The following ATP1A4 variants were observed in gnomAD, a reference collection of about 807,000 sequenced individuals.
ATP1A4 encodes ATPase Na+/K+ transporting subunit alpha 4.
A neutral mutation model predicts 114.3 loss-of-function variants in ATP1A4; 90 were observed. That is an observed-to-expected ratio of 0.79 (90% CI 0.66 to 0.94). The LOEUF is 0.94. Among genes scored for constraint, ATP1A4 ranks in the 40% least tolerant of loss-of-function variants. ATP1A4 has a pLI of 0.00. For synonymous variants in ATP1A4, 511 were observed against 494.1 expected, an observed-to-expected ratio of 1.03 and a Z score of -0.45; for missense variants, 1,222 against 1,313.6, an observed-to-expected ratio of 0.93 and a Z score of 1.08.
At position 160,159,501 on chromosome 1, in the gene ATP1A4, C is replaced by T; in HGVS notation, c.753C>T (p.Cys251=). 1 of 1,613,744 alleles carries T rather than the reference C, an allele frequency of 6.2e-7. No homozygotes were observed. Residue 251 remains cysteine (C), a synonymous_variant, in exon 6 of 22, where the codon TGC becomes TGT. Transcript: ENST00000368081. ...ACCCTCTGGAGACCCGAAACATCTG[C>T]TTCTTTTCCACCAACTGTGTGGAAG... ...HENPLETRNI[C]FFSTNCVEGT... is the part of the protein sequence containing the mutation.
At chr1:160,180,508 A>T (rs1488559099) in intron 18 of ATP1A4, among the ~76,000 whole-genome samples, 1 of 152,038 alleles carries the variant, frequency 6.6e-6, no homozygotes, top group African/African-American at 2.4e-5. Context: ...GGTTAGCATA[A>T]TTATTTTCCC....
chr1:160,155,164 C>G lies in ATP1A4; in HGVS notation c.327C>G (p.Ser109=). 6.2e-7 allele frequency: 1 copy of G among 1,613,818 alleles called. No homozygotes were observed. Among genetic ancestry groups the G allele is most frequent in the Non-Finnish European group, 8.5e-7 (1 of 1,179,916 alleles). Residue 109 remains serine, a synonymous_variant, in exon 3 of 22, where the codon TCC becomes TCG. Transcript: ENST00000368081. ...KFCKQLFGGF[S]LLLWTGAILC... ...GTAAGCAACTGTTCGGAGGCTTCTC[C>G]CTCCTACTATGGACTGGGGCCATTC...
intron 16 of ATP1A4, 34 bp from the exon 17 acceptor site, chr1:160,176,445 G>T (rs1260546218): frequency 2.5e-6 from 4 of 1,613,350 alleles, no homozygotes; most frequent in Non-Finnish European, 3.4e-6. Context: ...TCTGAACTTT[G>T]TGACCCCTGT....
At chr1:160,172,136 A>G (rs1399580083) in intron 12 of ATP1A4, among the ~76,000 whole-genome samples, 1 of 152,184 alleles carries the variant, frequency 6.6e-6, no homozygotes, top group Non-Finnish European at 1.5e-5. Flanking sequence ...CAGATCCCTC[A>G]GGGATTGTTT....
chr1:160,153,650 T>C (rs1652535526), intron 2 of ATP1A4, among the ~76,000 whole-genome samples: 1 of 152,236 alleles, frequency 6.6e-6, no homozygotes, highest in African/African-American at 2.4e-5. Flanking sequence ...CATATATGTT[T>C]TGACAAATAA....
At chr1:160,167,796 G>A (rs957959850) in intron 10 of ATP1A4, among the ~76,000 whole-genome samples, 9 of 152,176 alleles carry the variant, frequency 5.9e-5, no homozygotes, top group African/African-American at 1.9e-4. Flanking sequence ...GCAGTATTAG[G>A]TTGCATTTGC....
At position 160,155,085 on chromosome 1, in the gene ATP1A4, G is replaced by A. The variant is rs6427504; in HGVS notation, c.248G>A (p.Gly83Asp). 1,142,198 of 1,612,916 alleles carry A rather than the reference G, an allele frequency of 0.71. 405,201 individuals are homozygous for A. The highest frequency in any genetic ancestry group is 0.76 in the African/African-American group (56,558 of 74,848). ...AGGGCAAAGGAAATCCTGACTCGAGGTGGACCCAATACTGTTACCCCACCC... is the reference window on the plus strand; with the variant it reads ...AGGGCAAAGGAAATCCTGACTCGAGATGGACCCAATACTGTTACCCCACCC... ...HQRAKEILTR[G>D]GPNTVTPPPT... Residue 83 changes from glycine to aspartate, a missense_variant, in exon 3 of 22, where the codon GGT (glycine) becomes GAT (aspartate). Physicochemically the swap from Gly to Asp is moderately conservative, Grantham distance 94. Transcript: ENST00000368081.
intron 21 of ATP1A4, 56 bp from the exon 22 acceptor site, chr1:160,186,615 C>G (rs1382553623): frequency 6.3e-7 from 1 of 1,585,568 alleles, no homozygotes; most frequent in East Asian, 2.3e-5. Flanking sequence ...TGCCTGTCTC[C>G]CCTGGATGCC....
Position 160,186,315 on chromosome 1 carries a change from C to T in ATP1A4, c.3009C>T (p.Leu1003=), listed in dbSNP as rs1001896116. The T allele has an allele frequency of 6.2e-7, 1 of 1,613,712 alleles. No individual in the cohort carries two copies. ...TCTGTGCCATTCCCTACAGTATTCTCATCTTCGTCTATGATGAAATCAGAA... is the reference window on the plus strand; with the variant it reads ...TCTGTGCCATTCCCTACAGTATTCTTATCTTCGTCTATGATGAAATCAGAA... ...WWLCAIPYSI[L]IFVYDEIRKL... is the part of the protein sequence containing the mutation. Residue 1003 remains leucine (L), a synonymous_variant, in exon 21 of 22, where the codon CTC becomes CTT. Transcript: ENST00000368081.
rs980110770 is a variant in ATP1A4 at position 160,181,784 on chromosome 1, G to A, written c.2837G>A (p.Arg946His). The change falls in exon 19 of 22, where the codon CGC becomes CAC. Residue 946 changes from arginine to histidine, a missense_variant. Transcript: ENST00000368081. ...QWADLIISKT[R>H]RNSLFQQGMR... ...GCGGATCTCATCATCTCCAAGACTC[G>A]CCGCAACTCACTTTTCCAGCAGGGC... 8.7e-6 allele frequency: 14 copies of A among 1,613,686 alleles called. No individual in the cohort carries two copies. Among genetic ancestry groups the A allele is most frequent in the Admixed American group, 1.7e-5 (1 of 59,974 alleles).
intron 10 of ATP1A4, chr1:160,170,879 C>A (rs1653225407): frequency 1.7e-5 from 3 of 171,432 alleles, no homozygotes; most frequent in Non-Finnish European, 3.7e-5. Flanking sequence ...GCCGCTACGC[C>A]TGGCCTTCCG....
At chr1:160,171,184 CCTT>C (rs1653241600) in intron 10 of ATP1A4, 64 bp from the exon 11 acceptor site, 1 of 1,418,212 alleles carries the variant, frequency 7.1e-7, no homozygotes, top group Non-Finnish European at 9.6e-7. Flanking sequence ...GAAACCTTCC[CCTT>C]CTTTTTGCCC....
intron 12 of ATP1A4, 97 bp downstream of exon 12, chr1:160,171,854 T>A: frequency 8.2e-7 from 1 of 1,215,220 alleles, no homozygotes; most frequent in Non-Finnish European, 1.1e-6. Flanking sequence ...ACCCTTAGTT[T>A]AATTGAGCGG....
In ATP1A4 at chr1:160,174,321, C is replaced by A. The variant is rs1653377507; in HGVS notation, c.2142+60C>A. On this transcript the variant is annotated intron_variant, in intron 14 of 21. Coordinates refer to ENST00000368081, the MANE Select transcript of ATP1A4 (RefSeq NM_144699.4). ...AGAACTCCTGTGGCTTAGCCCCGTC[C>A]CAAACCAAGCAGAGGAACATGTGGG... 2.5e-6 allele frequency: 4 copies of A among 1,605,304 alleles called. No individual in the cohort carries two copies. In the Admixed American group the frequency reaches 6.8e-5, roughly 27 times the overall value.
intron 3 of ATP1A4, 56 bp downstream of exon 3, chr1:160,155,304 C>A: frequency 1.3e-6 from 2 of 1,489,504 alleles, no homozygotes; most frequent in Non-Finnish European, 1.8e-6. Flanking sequence ...CCCAGACACT[C>A]TTTTGCTCAG....
At chr1:160,159,364 T>G (rs2101628442) in intron 5 of ATP1A4, 45 bp from the exon 6 acceptor site, 1 of 1,531,652 alleles carries the variant, frequency 6.5e-7, no homozygotes, top group East Asian at 2.3e-5. Context: ...AAATCTGCCT[T>G]TTTTCCTATG....
chr1:160,171,482 A>G, intron 11 of ATP1A4, 42 bp downstream of exon 11: 1 of 1,608,100 alleles, frequency 6.2e-7, no homozygotes, highest in Non-Finnish European at 8.5e-7. Flanking sequence ...ATGGCATCAA[A>G]ATGGTTATTA....
At chr1:160,157,788 A>G (rs1652720277) in intron 4 of ATP1A4, among the ~76,000 whole-genome samples, 1 of 152,236 alleles carries the variant, frequency 6.6e-6, no homozygotes, top group African/African-American at 2.4e-5. Flanking sequence ...GAATCTGGAT[A>G]AAGGTTATAT....
At chr1:160,154,907 A>T (rs888332296) in intron 2 of ATP1A4, 138 bp from the exon 3 acceptor site, 1 of 748,526 alleles carries the variant, frequency 1.3e-6, no homozygotes, top group African/African-American at 1.7e-5. Context: ...CTTATCCAGG[A>T]AGAACTTCCA....
Sources: allele counts gnomAD v4.1 joint callset (sites outside exome capture counted in the v4.1 genomes callset), GRCh38; gene constraint gnomAD v4.1.1; transcripts MANE v1.5; gene names NCBI Gene and HGNC (gene_info 2026-07-23, HGNC 2026-07-21).